Variants in SGCD observed in about 807,000 individuals in gnomAD.
SGCD encodes delta-sarcoglycan.
SGCD carries 18 observed loss-of-function variants against 36.6 expected under a neutral mutation model. The ratio of observed to expected loss-of-function variants is 0.49; its 90% confidence interval spans 0.34 to 0.73. SGCD has a LOEUF of 0.73. SGCD is among the 30% of genes least tolerant of loss of function. The pLI, the probability that SGCD is intolerant of heterozygous loss-of-function variation, is 0.01. For synonymous variants in SGCD, 133 were observed against 130.6 expected, an observed-to-expected ratio of 1.02 and a Z score of -0.12; for missense variants, 387 against 346.7, an observed-to-expected ratio of 1.12 and a Z score of -0.92.
In SGCD at chr5:156,600,147, A is replaced by G. The variant is rs184199934; in HGVS notation, c.502+5096A>G. 2.1e-3 allele frequency among the ~76,000 whole-genome samples: 317 copies of G among 152,292 alleles called. 1 individual carries two copies. The highest frequency in any genetic ancestry group is 3.2e-3 in the Non-Finnish European group (216 of 68,020). ...ATATTCAACACCTTGTGCGTTTATC[A>G]TTTCTTTTTGATGACAACATTCAAA... On this transcript the variant is annotated intron_variant, in intron 6 of 8. Coordinates refer to ENST00000337851, the MANE Select transcript of SGCD (RefSeq NM_000337.6).
At chr5:156,743,108 CTT>C (rs56296250) in intron 7 of SGCD, among the ~76,000 whole-genome samples, 83,761 of 110,310 alleles carry the variant, frequency 0.76, 30,526 homozygotes, top group South Asian at 0.83. Context: ...CTTCCTACAT[CTT>C]TTTTTTTTTT....
intron 6 of SGCD, among the ~76,000 whole-genome samples, chr5:156,620,999 G>A (rs1481190780): frequency 1.3e-5 from 2 of 152,214 alleles, no homozygotes; most frequent in African/African-American, 2.4e-5. Context: ...GTTTAAAAAT[G>A]AAAGGAAGTA....
chr5:156,114,042 G>T (rs1761852684), intron 1 of SGCD, among the ~76,000 whole-genome samples: 1 of 152,062 alleles, frequency 6.6e-6, no homozygotes, highest in Non-Finnish European at 1.5e-5. Flanking sequence ...TTAGGGCAGA[G>T]AAACTACTCT....
chr5:156,052,229 T>C (rs1339664481), intron 1 of SGCD, among the ~76,000 whole-genome samples: 1 of 145,910 alleles, frequency 6.9e-6, no homozygotes, highest in East Asian at 1.9e-4. Context: ...GACAGGCTGG[T>C]TGGAGTTTCT....
At position 156,553,492 on chromosome 5, in the gene SGCD, G is replaced by A. The variant is rs1758879618; in HGVS notation, c.295-35739G>A. 2.6e-5 allele frequency among the ~76,000 whole-genome samples: 4 copies of A among 151,900 alleles called. No homozygotes were observed. In the South Asian group the frequency reaches 8.3e-4, roughly 32 times the overall value. The stretch of plus-strand genomic sequence containing the variant: ...TTCATATAACATAAAATTCACCTTT[G>A]AGAATAATACACTTCAGTGGTTTTT... On this transcript the variant is annotated intron_variant, in intron 4 of 8. Transcript: ENST00000337851.
chr5:156,620,390 A>C (rs1384211841), intron 6 of SGCD, among the ~76,000 whole-genome samples: 1 of 152,024 alleles, frequency 6.6e-6, no homozygotes, highest in Non-Finnish European at 1.5e-5. Flanking sequence ...GTTCTCAAAT[A>C]AGTTATATTC....
intron 3 of SGCD, among the ~76,000 whole-genome samples, chr5:156,399,382 A>G (rs961100293): frequency 6.6e-5 from 10 of 152,208 alleles, no homozygotes; most frequent in Admixed American, 3.9e-4. Context: ...AATTTCAGCT[A>G]CATTCTGAGC....
rs1441016197 is a variant in SGCD at position 156,762,771 on chromosome 5, G to C, written c.*3381G>C. On this transcript the variant is annotated 3_prime_UTR_variant, in exon 9 of 9. Coordinates refer to ENST00000337851, the MANE Select transcript of SGCD (RefSeq NM_000337.6). ...GAGACTATGTATCCCACAAAGCATAGATTACTTACTATTTAGTCCTTTACA... is the reference window on the plus strand; with the variant it reads ...GAGACTATGTATCCCACAAAGCATACATTACTTACTATTTAGTCCTTTACA... The C allele has an allele frequency of 6.6e-6, 1 of 152,428 alleles. No homozygotes were observed. The highest frequency in any genetic ancestry group is 1.5e-5 in the Non-Finnish European group (1 of 68,046). 9.4% of individuals were successfully genotyped at this position (152,428 alleles called of 1,614,324 possible). A position where few individuals can be genotyped will look rare whatever the true frequency, so the allele number is the denominator to read the frequency against.
At chr5:156,644,024 C>T (rs924987622) in intron 6 of SGCD, among the ~76,000 whole-genome samples, 1 of 152,036 alleles carries the variant, frequency 6.6e-6, no homozygotes, top group African/African-American at 2.4e-5. Context: ...TAATCATGTT[C>T]ATCAGGAAAA....
At chr5:156,654,142 G>C (rs765460234) in intron 7 of SGCD, among the ~76,000 whole-genome samples, 1 of 152,028 alleles carries the variant, frequency 6.6e-6, no homozygotes, top group African/African-American at 2.4e-5. Flanking sequence ...TAGCACAAGG[G>C]GATTATAGGA....
rs535446199 is a variant in SGCD at position 156,178,938 on chromosome 5, T to G, written c.-44+54919T>G. ...TGCCTACAACTTTACACTAATAGTT[T>G]CCTAATAGGTCCAACGCATAGTCAC... On this transcript the variant is annotated intron_variant, in intron 3 of 9. Coordinates refer to the SGCD transcript ENST00000517913. Among the ~76,000 whole-genome samples the G allele has an allele frequency of 9.2e-5, 14 of 152,310 alleles. No individual in the cohort carries two copies. In the East Asian group the frequency reaches 2.7e-3, roughly 29 times the overall value.
intron 7 of SGCD, among the ~76,000 whole-genome samples, chr5:156,686,268 C>T (rs1349167191): frequency 6.6e-6 from 1 of 152,124 alleles, no homozygotes; most frequent in East Asian, 1.9e-4. Flanking sequence ...AGCTGCCATT[C>T]GAATTCAGGT....
intron 3 of SGCD, among the ~76,000 whole-genome samples, chr5:156,185,860 G>GTATATATATGT (rs1763742289): frequency 1.5e-4 from 1 of 6,774 alleles, no homozygotes; most frequent in Non-Finnish European, 5.9e-4. Context: ...TAGAGAGAGA[G>GTATATATATGT]AGAGAGAGAG....
At chr5:156,611,844 T>C (rs1761826825) in intron 6 of SGCD, among the ~76,000 whole-genome samples, 1 of 152,228 alleles carries the variant, frequency 6.6e-6, no homozygotes, top group Non-Finnish European at 1.5e-5. Flanking sequence ...AATTCTTTCT[T>C]ATGCTTAACC....
At chr5:156,402,362 G>A (rs1424586935) in intron 3 of SGCD, among the ~76,000 whole-genome samples, 4 of 152,178 alleles carry the variant, frequency 2.6e-5, no homozygotes. Context: ...GAGACACACA[G>A]CAAAGGACAT....
At chr5:156,483,813 G>A in intron 3 of SGCD, among the ~76,000 whole-genome samples, 1 of 152,152 alleles carries the variant, frequency 6.6e-6, no homozygotes, top group Non-Finnish European at 1.5e-5. Context: ...AAAAATACCT[G>A]GTTTGGGGGC....
chr5:155,917,177 G>A (rs773797461), intron 1 of SGCD, among the ~76,000 whole-genome samples: 2 of 152,136 alleles, frequency 1.3e-5, no homozygotes, highest in Non-Finnish European at 2.9e-5. Flanking sequence ...ATCTTTGGTT[G>A]CACTTCTCAC....
intron 1 of SGCD, among the ~76,000 whole-genome samples, chr5:156,095,936 G>A (rs887148129): frequency 5.3e-5 from 8 of 152,178 alleles, no homozygotes; most frequent in African/African-American, 1.9e-4. Context: ...TCCCAAAAGA[G>A]AAAAAGGAAA....
chr5:156,147,735 A>G (rs1241580878), intron 3 of SGCD, among the ~76,000 whole-genome samples: 1 of 152,246 alleles, frequency 6.6e-6, no homozygotes, highest in African/African-American at 2.4e-5. Flanking sequence ...AAATCTAGTG[A>G]TGTGGCAGTT....
Sources: allele counts gnomAD v4.1 joint callset (sites outside exome capture counted in the v4.1 genomes callset), GRCh38; gene constraint gnomAD v4.1.1; transcripts MANE v1.5; gene names NCBI Gene and HGNC (gene_info 2026-07-23, HGNC 2026-07-21).